ATP8B3: variants seen among roughly 807,000 people sequenced by gnomAD.
ATP8B3 encodes the protein ATPase phospholipid transporting 8B3.
ATP8B3 carries 141 observed loss-of-function variants against 140.9 expected under a neutral mutation model. The ratio of observed to expected loss-of-function variants is 1.00; its 90% confidence interval spans 0.87 to 1.15. The LOEUF is 1.15. ATP8B3 is among the 50% of genes most tolerant of loss of function. The probability of loss-of-function intolerance (pLI) is 0.00; values close to 1 mark genes in which losing one functional copy is unlikely to be tolerated. For missense variants in ATP8B3, 1,874 were observed against 1,740.6 expected (o/e 1.08, Z -1.36); for synonymous variants, 765 against 714.6 (o/e 1.07, Z -1.13).
chr19:1,785,354 C>T, intron 26 of ATP8B3, 57 bp from the exon 27 acceptor site: 1 of 1,552,156 alleles, frequency 6.4e-7, no homozygotes, highest in Non-Finnish European at 8.7e-7. Flanking sequence ...ACCAGGACAC[C>T]AGCCCCTGGG....
In ATP8B3 at chr19:1,799,999, G is replaced by A. The variant is rs1475987806; in HGVS notation, c.1500C>T (p.Leu500=). The change falls in exon 14 of 29, where the codon CTC becomes CTT. Residue 500 remains leucine (L), a synonymous_variant. Transcript: ENST00000310127. ...EYIFSDKTGT[L]TQNILTFNKC... The stretch of plus-strand genomic sequence containing the variant: ...TGTTGAAGGTCAAGATGTTCTGCGT[G>A]AGCGTGCCCGTCTTGTCCGAGAAGA... 2 of 1,606,632 alleles carry A rather than the reference G, an allele frequency of 1.2e-6. No individual in the cohort carries two copies. Among genetic ancestry groups the A allele is most frequent in the Non-Finnish European group, 8.5e-7 (1 of 1,176,850 alleles).
intron 1 of ATP8B3, 139 bp downstream of exon 1, chr19:1,812,047 C>G: frequency 3.2e-6 from 1 of 309,050 alleles, no homozygotes; most frequent in Non-Finnish European, 5.9e-6. Context: ...GCACCCGCCC[C>G]GGGGCCCCGA....
In ATP8B3 at chr19:1,792,116, AG is replaced by A. The variant is rs1401265310; in HGVS notation, c.2074del (p.Leu692CysfsTer80). 6.3e-7 allele frequency: 1 copy of A among 1,579,402 alleles called. No individual in the cohort carries two copies. The highest frequency in any genetic ancestry group is 8.6e-7 in the Non-Finnish European group (1 of 1,168,874). ...EALAAFAQET[L>X]RTLCLAYREV... ...CCTGTAGGCCAGGCACAGTGTCCGCAGGGTCTCCTGGGCAAAGGCCTGGGGG... is the reference window on the plus strand; with the variant it reads ...CCTGTAGGCCAGGCACAGTGTCCGCAGGTCTCCTGGGCAAAGGCCTGGGGG... On this transcript the variant is annotated frameshift_variant, in exon 19 of 29. Transcript: ENST00000310127. LOFTEE classifies it high-confidence loss of function.
At chr19:1,797,574 A>G (rs1008167674) in intron 14 of ATP8B3, among the ~76,000 whole-genome samples, 3 of 150,916 alleles carry the variant, frequency 2.0e-5, no homozygotes, top group Non-Finnish European at 4.4e-5. Flanking sequence ...AGCTCAGCTC[A>G]CTGCAACCTC....
Position 1,789,933 on chromosome 19 carries a change from A to G in ATP8B3, c.2435T>C (p.Leu812Pro). 1 of 1,612,096 alleles carries G rather than the reference A, an allele frequency of 6.2e-7. No individual in the cohort carries two copies. The highest frequency in any genetic ancestry group is 8.5e-7 in the Non-Finnish European group (1 of 1,179,554). The change falls in exon 22 of 29, where the codon CTG (leucine) becomes CCG (proline). Residue 812 changes from leucine to proline, a missense_variant. This residue lies in a region of ATP8B3 where 840 missense variants were observed against 760.9 expected (regional missense o/e 1.10). Coordinates refer to ENST00000310127, the MANE Select transcript of ATP8B3 (RefSeq NM_138813.4). ...NSNNLLTRES[L>P]SQVKLALVIN... ...GACCAAGGCCAGCTTGACCTGCGAC[A>G]GGGACTCCCTGGTTAGAAGGTTGTT...
chr19:1,802,069 A>ATC, intron 11 of ATP8B3, 25 bp from the exon 12 acceptor site: 1 of 1,112,372 alleles, frequency 9.0e-7, no homozygotes, highest in Non-Finnish European at 1.2e-6. Flanking sequence ...CCATCTATCC[A>ATC]CCCACCCACC....
In ATP8B3 at chr19:1,791,848, G is replaced by A. The variant is rs770568602; in HGVS notation, c.2204C>T (p.Thr735Ile). 3 of 1,611,070 alleles carry A rather than the reference G, an allele frequency of 1.9e-6. No individual in the cohort carries two copies. The highest frequency in any genetic ancestry group is 1.7e-5 in the Admixed American group (1 of 60,020). Residue 735 changes from threonine (T) to isoleucine (I), a missense_variant, in exon 20 of 29, where the codon ACA becomes ATA. Thr to Ile is a moderately conservative substitution (Grantham distance 89, BLOSUM62 -1). Transcript: ENST00000310127. The stretch of plus-strand genomic sequence containing the variant: ...GTCCTGGAGTCTGTCCTCGATGGCT[G>A]TGGCTCCCAGCAGCTGGTGGGGGAG... ...AQALQQLLGA[T>I]AIEDRLQDGV...
chr19:1,796,400 A>G, intron 16 of ATP8B3, 135 bp from the exon 17 acceptor site: 5 of 891,896 alleles, frequency 5.6e-6, no homozygotes, highest in Non-Finnish European at 8.4e-6. Flanking sequence ...GTACAACCCA[A>G]TGCATGGAGG....
Position 1,810,680 on chromosome 19 carries a change from G to A in ATP8B3, c.252C>T (p.Pro84=). The change falls in exon 3 of 29, where the codon CCC becomes CCT. Residue 84 remains proline, a synonymous_variant. Transcript: ENST00000310127. ...ARKYEWRPEG[P]TSMGSLGQRE... ...TCTGGCCGAGGCTGCCCATGCTGGT[G>A]GGGCTGTGGGAGAGAAGGGCCCCGG... The A allele has an allele frequency of 4.3e-6, 7 of 1,612,110 alleles. No individual in the cohort carries two copies. Among genetic ancestry groups the A allele is most frequent in the Non-Finnish European group, 5.9e-6 (7 of 1,179,432 alleles).
At chr19:1,791,078 AGCAG>A (rs2068494990) in intron 20 of ATP8B3, among the ~76,000 whole-genome samples, 2 of 152,264 alleles carry the variant, frequency 1.3e-5, no homozygotes, top group Admixed American at 1.3e-4. Flanking sequence ...GGCCAGGATC[AGCAG>A]GCACATGTGC....
chr19:1,805,749 G>T lies in ATP8B3; in HGVS notation c.821+139C>A. The T allele has an allele frequency of 2.0e-6, 2 of 1,014,416 alleles. No homozygotes were observed. The highest frequency in any genetic ancestry group is 2.9e-6 in the Non-Finnish European group (2 of 681,632). The allele number at this position is 1,014,416 out of a possible 1,614,324, so 62.8% of individuals were successfully genotyped here. A position where few individuals can be genotyped will look rare whatever the true frequency, so the allele number is the denominator to read the frequency against. On this transcript the variant is annotated intron_variant, in intron 9 of 28. Transcript: ENST00000310127. The surrounding 1 kb of genome is among the most constrained non-coding windows in gnomAD (Gnocchi z 5.2). ...CCCCTCAGTGCCTGGCAGCACCCAC[G>T]CCCCAGACACTCATGGGGTGAGTGA...
At chr19:1,787,985 T>A (rs903793986) in intron 24 of ATP8B3, among the ~76,000 whole-genome samples, 1 of 152,048 alleles carries the variant, frequency 6.6e-6, no homozygotes, top group African/African-American at 2.4e-5. Flanking sequence ...GAGGTTGCAG[T>A]GAGCCAAGAT....
Position 1,800,875 on chromosome 19 carries a change from C to T in ATP8B3, c.1153-426G>A, listed in dbSNP as rs1239475607. 6.7e-6 allele frequency among the ~76,000 whole-genome samples: 1 copy of T among 149,442 alleles called. No individual in the cohort carries two copies. The highest frequency in any genetic ancestry group is 1.5e-5 in the Non-Finnish European group (1 of 67,588). On this transcript the variant is annotated intron_variant, in intron 12 of 28. Transcript: ENST00000310127. The surrounding 1 kb of genome is among the most constrained non-coding windows in gnomAD (Gnocchi z 4.4). Reference sequence around the variant, plus strand: ...ACAGAGTCTCGCTCTCTCTCCCAGGCTGGAGTGCAGTGGCGCGATCTTGGC... The same window carrying T: ...ACAGAGTCTCGCTCTCTCTCCCAGGTTGGAGTGCAGTGGCGCGATCTTGGC...
At chr19:1,787,747 A>G (rs1345898860) in intron 24 of ATP8B3, among the ~76,000 whole-genome samples, 5 of 11,626 alleles carry the variant, frequency 4.3e-4, no homozygotes, top group African/African-American at 1.5e-3. Context: ...AAAAAAAAAA[A>G]AAAAAAAAAA....
intron 14 of ATP8B3, 161 bp downstream of exon 14, chr19:1,799,786 T>G: frequency 1.4e-6 from 1 of 728,460 alleles, no homozygotes; most frequent in Non-Finnish European, 2.2e-6. Flanking sequence ...AAAATTTTCC[T>G]GGCCCCCTCC....
rs1425548715 is a variant in ATP8B3, at chr19:1,783,386, C to T, written c.3661-116G>A. ...GCCCTTGGCCACTATTGATTGGCTA[C>T]GTTCTTCCCTACCCAAGTTGAGCCA... is the stretch of plus-strand genomic sequence containing the variant. On this transcript the variant is annotated intron_variant, in intron 28 of 28. Coordinates refer to ENST00000310127, the MANE Select transcript of ATP8B3 (RefSeq NM_138813.4). The T allele has an allele frequency of 1.4e-5, 19 of 1,329,270 alleles. No individual in the cohort carries two copies. The East Asian group carries it at 3.8e-4, about 26-fold the overall frequency. 82.3% of individuals were successfully genotyped at this position (1,329,270 alleles called of 1,614,324 possible).
In ATP8B3 at chr19:1,796,068, G is replaced by A. The variant is rs753031987; in HGVS notation, c.1942+9C>T. The A allele has an allele frequency of 5.0e-6, 8 of 1,612,276 alleles. No homozygotes were observed. The highest frequency in any genetic ancestry group is 4.5e-5 in the East Asian group (2 of 44,858). ...TTGGGGGGCCCAGGGCTTGGGTGGC[G>A]GGGCTCACCCAGCACCGACATCCGT... is the stretch of plus-strand genomic sequence containing the variant. On this transcript the variant is annotated intron_variant, in intron 17 of 28. Transcript: ENST00000310127.
rs764850311 is a variant in ATP8B3, at chr19:1,796,784, G to A, written c.1680C>T (p.Ala560=). ...LHLVRTNGDE[A]VREFWRLLAI... Reference sequence around the variant, plus strand: ...CCAGCAGGCGCCAGAACTCCCGCACGGCCTCGTCCCCGTTGGTCCGCACGA... The same window carrying A: ...CCAGCAGGCGCCAGAACTCCCGCACAGCCTCGTCCCCGTTGGTCCGCACGA... Residue 560 remains alanine, a synonymous_variant, in exon 16 of 29, where the codon GCC becomes GCT. Coordinates refer to ENST00000310127, the MANE Select transcript of ATP8B3 (RefSeq NM_138813.4). The A allele has an allele frequency of 4.1e-5, 66 of 1,612,356 alleles. No individual in the cohort carries two copies. Among genetic ancestry groups the A allele is most frequent in the South Asian group, 8.8e-5 (8 of 91,080 alleles).
Position 1,806,982 on chromosome 19 carries a change from G to A in ATP8B3, c.615+186C>T, listed in dbSNP as rs1165816778. ...CACCGACAGAGCCAACGCCACCTGC[G>A]GCACCTGCCCAATGTGGGTGCTAGC... On this transcript the variant is annotated intron_variant, in intron 6 of 28. Coordinates refer to ENST00000310127, the MANE Select transcript of ATP8B3 (RefSeq NM_138813.4). The surrounding 1 kb of genome is among the most constrained non-coding windows in gnomAD (Gnocchi z 5.6). Among the ~76,000 whole-genome samples the A allele has an allele frequency of 6.6e-6, 1 of 152,036 alleles. No individual in the cohort carries two copies. Among genetic ancestry groups the A allele is most frequent in the East Asian group, 1.9e-4 (1 of 5,188 alleles).
Sources: allele counts gnomAD v4.1 joint callset (sites outside exome capture counted in the v4.1 genomes callset), GRCh38; gene constraint gnomAD v4.1.1; regional missense constraint gnomAD v4.1.1; non-coding constraint Gnocchi (gnomAD v3.1); transcripts MANE v1.5; gene names NCBI Gene and HGNC (gene_info 2026-07-23, HGNC 2026-07-21).